RANBP2: variants seen among roughly 807,000 people sequenced by gnomAD.
RANBP2 encodes the protein E3 SUMO-protein ligase RanBP2.
A neutral mutation model predicts 303.6 loss-of-function variants in RANBP2; 57 were observed. The observed-to-expected ratio is 0.19, with a 90% CI of 0.15 to 0.23. RANBP2 has a LOEUF of 0.23. Ranked by LOEUF, RANBP2 falls within the 10% of genes least tolerant of loss-of-function variation. The pLI is 1.00. For missense variants in RANBP2, 3,138 were observed against 3,780.8 expected (o/e 0.83, Z 4.46); for synonymous variants, 1,167 against 1,301.5 (o/e 0.90, Z 2.23).
chr2:109,029,765 A>C, the RANBP2 span, among the ~76,000 whole-genome samples: 1 of 152,098 alleles, frequency 6.6e-6, no homozygotes, highest in Non-Finnish European at 1.5e-5. Context: ...CCAGCCTTTC[A>C]TCTCTATCCT....
the RANBP2 span, among the ~76,000 whole-genome samples, chr2:109,091,156 G>A: frequency 6.6e-6 from 1 of 152,040 alleles, no homozygotes; most frequent in Non-Finnish European, 1.5e-5. Context: ...CTTGAGCCTG[G>A]GAGTTTGAGG....
chr2:108,809,796 TTTTGTTTG>T, the RANBP2 span, among the ~76,000 whole-genome samples: 79 of 150,784 alleles, frequency 5.2e-4, no homozygotes, highest in South Asian at 1.5e-3. Context: ...CATTTCCAAT[TTTTGTTTG>T]TTTGTTTGTT....
chr2:108,745,712 G>A (rs1367116825), intron 7 of RANBP2, among the ~76,000 whole-genome samples: 1 of 151,420 alleles, frequency 6.6e-6, no homozygotes, highest in African/African-American at 2.4e-5. Flanking sequence ...CTACAATGTG[G>A]CATTTCCAAG....
At chr2:109,195,964 C>T in the RANBP2 span, among the ~76,000 whole-genome samples, 2 of 152,218 alleles carry the variant, frequency 1.3e-5, no homozygotes, top group Admixed American at 6.5e-5. Context: ...AGGTACCTTG[C>T]GGGCCTTCTG....
At chr2:109,736,430 G>A in the RANBP2 span, among the ~76,000 whole-genome samples, 11 of 152,170 alleles carry the variant, frequency 7.2e-5, no homozygotes, top group Non-Finnish European at 1.2e-4. Flanking sequence ...CCCTCTGCTG[G>A]AGACCAAAGT....
At chr2:109,262,843 A>C in the RANBP2 span, among the ~76,000 whole-genome samples, 12 of 151,108 alleles carry the variant, frequency 7.9e-5, no homozygotes, top group South Asian at 2.1e-4. Context: ...TTTCTTTTTT[A>C]TTTTTTTGAG....
Position 108,764,825 on chromosome 2 carries a change from A to G in RANBP2, c.4286A>G (p.Glu1429Gly), listed in dbSNP as rs1333235972. The change falls in exon 20 of 29, where the codon GAA (glutamate) becomes GGA (glycine). Residue 1429 changes from glutamate to glycine, a missense_variant. Coordinates refer to ENST00000283195, the MANE Select transcript of RANBP2 (RefSeq NM_006267.5). ...TGTAGTATTTGTTTAGTAAGAAATG[A>G]ACCTACTGTATCTAGGTGCATTGCG... ...WDCSICLVRN[E>G]PTVSRCIACQ... 1.2e-6 allele frequency: 2 copies of G among 1,614,104 alleles called. No homozygotes were observed. The highest frequency in any genetic ancestry group is 1.1e-5 in the South Asian group (1 of 91,084).
the RANBP2 span, among the ~76,000 whole-genome samples, chr2:109,180,254 C>T: frequency 1.3e-5 from 2 of 152,184 alleles, no homozygotes; most frequent in African/African-American, 4.8e-5. Context: ...GGCCTCCTTC[C>T]TTTGCCCACA....
At chr2:109,225,301 C>G in the RANBP2 span, among the ~76,000 whole-genome samples, 1 of 152,190 alleles carries the variant, frequency 6.6e-6, no homozygotes, top group Non-Finnish European at 1.5e-5. Flanking sequence ...GTCCTCAAAC[C>G]ATTGTACTCA....
the RANBP2 span, among the ~76,000 whole-genome samples, chr2:109,011,733 A>G: frequency 1.8e-4 from 27 of 152,086 alleles, no homozygotes; most frequent in Non-Finnish European, 2.9e-4. Flanking sequence ...TTTCTGGGAA[A>G]CTTCCTCACT....
chr2:109,131,022 C>A, the RANBP2 span, among the ~76,000 whole-genome samples: 6 of 152,138 alleles, frequency 3.9e-5, no homozygotes, highest in East Asian at 1.2e-3. Context: ...AAAAAAAATA[C>A]ATTATCTATT....
chr2:109,430,764 G>A, the RANBP2 span, among the ~76,000 whole-genome samples: 824 of 152,184 alleles, frequency 5.4e-3, 8 homozygotes, highest in Non-Finnish European at 6.6e-3. Flanking sequence ...GTGGGGTGGC[G>A]GGGTCCTCTC....
the RANBP2 span, chr2:109,732,954 GA>G: frequency 3.1e-6 from 2 of 642,948 alleles, no homozygotes; most frequent in South Asian, 2.7e-5. Context: ...GGTGAAAAAA[GA>G]AGTAGAAATC....
chr2:109,618,326 A>G, the RANBP2 span: 3 of 166,934 alleles, frequency 1.8e-5, no homozygotes, highest in African/African-American at 7.2e-5. Flanking sequence ...CAGATGCTTC[A>G]GAACCATCAG....
At chr2:108,876,093 A>G in the RANBP2 span, 1 of 1,584,178 alleles carries the variant, frequency 6.3e-7, no homozygotes, top group Non-Finnish European at 8.7e-7. Context: ...TACAGGAGTA[A>G]TAAGAAGCTC....
chr2:108,893,043 A>G, the RANBP2 span, among the ~76,000 whole-genome samples: 1 of 151,998 alleles, frequency 6.6e-6, no homozygotes, highest in Non-Finnish European at 1.5e-5. Flanking sequence ...TTCACAAAAT[A>G]AAGAAAGAGG....
chr2:109,053,028 C>T, the RANBP2 span, among the ~76,000 whole-genome samples: 1 of 152,222 alleles, frequency 6.6e-6, no homozygotes, highest in African/African-American at 2.4e-5. Context: ...ACCTCTTCTC[C>T]TGGTCCAAAT....
Position 108,766,069 on chromosome 2 carries a change from A to G in RANBP2, c.5530A>G (p.Asn1844Asp). The G allele has an allele frequency of 6.2e-7, 1 of 1,614,200 alleles. No individual in the cohort carries two copies. The highest frequency in any genetic ancestry group is 1.7e-5 in the Admixed American group (1 of 60,022). The change falls in exon 20 of 29, where the codon AAT becomes GAT. Residue 1844 changes from asparagine (N) to aspartate (D), a missense_variant. Asn to Asp is a conservative substitution (Grantham distance 23, BLOSUM62 1). Around this residue, in one of 20 missense-constraint regions of RANBP2, gnomAD observed 348 missense variants for 360.4 expected, o/e 0.97. Coordinates refer to ENST00000283195, the MANE Select transcript of RANBP2 (RefSeq NM_006267.5). The stretch of plus-strand genomic sequence containing the variant: ...TCAGGTGGGAACAGGATTTAAAAGT[A>G]ATTTCTCAGAAAAAGCTTCTAAGTT... ...GSQVGTGFKS[N>D]FSEKASKFGN...
chr2:109,081,284 T>C, the RANBP2 span, among the ~76,000 whole-genome samples: 3 of 152,238 alleles, frequency 2.0e-5, no homozygotes, highest in Non-Finnish European at 4.4e-5. Flanking sequence ...CTCTGTTTTC[T>C]ATTGATCGAA....
Sources: allele counts gnomAD v4.1 joint callset (sites outside exome capture counted in the v4.1 genomes callset), GRCh38; gene constraint gnomAD v4.1.1; regional missense constraint gnomAD v4.1.1; transcripts MANE v1.5; gene names NCBI Gene and HGNC (gene_info 2026-07-23, HGNC 2026-07-21).